OVGP1: variants seen among roughly 807,000 people sequenced by gnomAD.
OVGP1 encodes oviductal glycoprotein 1, also known as oviduct-specific glycoprotein.
Under a neutral mutation model 48.2 loss-of-function variants are expected in OVGP1, and 26 were observed. That is an observed-to-expected ratio of 0.54 (90% CI 0.40 to 0.75). The LOEUF is 0.75. Ranked by LOEUF, OVGP1 falls within the 30% of genes least tolerant of loss-of-function variation. OVGP1 has a pLI of 0.00. For missense variants in OVGP1, 791 were observed against 820.6 expected, an observed-to-expected ratio of 0.96 and a Z score of 0.44; for synonymous variants, 294 against 305.7, an observed-to-expected ratio of 0.96 and a Z score of 0.40.
At position 111,427,704 on chromosome 1, in the gene OVGP1, C is replaced by G; in HGVS notation, c.18G>C (p.Leu6=). Residue 6 remains leucine, a synonymous_variant, in exon 1 of 11, where the codon CTG becomes CTC. Coordinates refer to ENST00000369732, the MANE Select transcript of OVGP1 (RefSeq NM_002557.4). The part of the protein sequence containing the change: MWKLL[L]WVGLVLVLKH... ...GGGACCTGCCACACTCACCAACCCA[C>G]AGCAACAGCTTCCACATCTCAATGG... 1 of 1,613,202 alleles carries G rather than the reference C, an allele frequency of 6.2e-7. No individual in the cohort carries two copies. Among genetic ancestry groups the G allele is most frequent in the Non-Finnish European group, 8.5e-7 (1 of 1,179,892 alleles).
intron 3 of OVGP1, 96 bp from the exon 4 acceptor site, chr1:111,425,535 G>A: frequency 6.3e-7 from 1 of 1,574,922 alleles, no homozygotes; most frequent in Non-Finnish European, 8.6e-7. Context: ...AAGAAAACAG[G>A]AAACAGGAGA....
Position 111,414,640 on chromosome 1 carries a change from T to C in OVGP1, c.1861A>G (p.Met621Val). Residue 621 changes from methionine (M) to valine (V), a missense_variant, in exon 11 of 11, where the codon ATG becomes GTG. Met to Val is a conservative substitution (Grantham distance 21). Coordinates refer to ENST00000369732, the MANE Select transcript of OVGP1 (RefSeq NM_002557.4). Reference sequence around the variant, plus strand: ...TGGATGACGGGGCTGGAGGACAGCATCATCCTGTTTTCAGCTTCCATCTGA... The same window carrying C: ...TGGATGACGGGGCTGGAGGACAGCACCATCCTGTTTTCAGCTTCCATCTGA... ...GLQMEAENRMMLSSSPVIQLP... is the reference protein window; with the variant it reads ...GLQMEAENRMVLSSSPVIQLP... The C allele has an allele frequency of 6.2e-7, 1 of 1,614,198 alleles. No homozygotes were observed. Among genetic ancestry groups the C allele is most frequent in the South Asian group, 1.1e-5 (1 of 91,088 alleles).
At position 111,421,387 on chromosome 1, in the gene OVGP1, T is replaced by A; in HGVS notation, c.792A>T (p.Gly264=). 6.2e-7 allele frequency: 1 copy of A among 1,614,084 alleles called. No homozygotes were observed. Among genetic ancestry groups the A allele is most frequent in the Non-Finnish European group, 8.5e-7 (1 of 1,179,996 alleles). ...AGGCTTTGAGGAGGCGAAAGGTACG[T>A]CCATAGGTGGGGATCCCCATGATGA... ...EKLIMGIPTY[G]RTFRLLKASK... The change falls in exon 8 of 11, where the codon GGA becomes GGT. Residue 264 remains glycine, a synonymous_variant. Coordinates refer to ENST00000369732, the MANE Select transcript of OVGP1 (RefSeq NM_002557.4).
chr1:111,420,249 A>G (rs1652233108), intron 8 of OVGP1, among the ~76,000 whole-genome samples: 1 of 152,186 alleles, frequency 6.6e-6, no homozygotes. Flanking sequence ...CATTGTGCTA[A>G]AAACTATATG....
chr1:111,422,358 T>C (rs1440054670), intron 6 of OVGP1, among the ~76,000 whole-genome samples: 1 of 152,214 alleles, frequency 6.6e-6, no homozygotes, highest in African/African-American at 2.4e-5. Context: ...TGTTTTGGTC[T>C]GCATCTGCCT....
At chr1:111,421,795 G>T (rs1571355162) in intron 6 of OVGP1, 122 bp from the exon 7 acceptor site, 1 of 644,150 alleles carries the variant, frequency 1.6e-6, no homozygotes, top group East Asian at 2.7e-5. Context: ...TGCTCCTTCT[G>T]CCTGTGGGGC....
At position 111,414,409 on chromosome 1, in the gene OVGP1, A is replaced by G; in HGVS notation, c.*55T>C. 2 of 1,490,652 alleles carry G rather than the reference A, an allele frequency of 1.3e-6. No homozygotes were observed. Among genetic ancestry groups the G allele is most frequent in the Non-Finnish European group, 1.8e-6 (2 of 1,104,074 alleles). 92.3% of individuals were successfully genotyped at this position (1,490,652 alleles called of 1,614,324 possible). A position where few individuals can be genotyped will look rare whatever the true frequency, so the allele number is the denominator to read the frequency against. Reference sequence around the variant, plus strand: ...GCCCCGGGATGAGAAGGCTTCCAACATGTCACTTAGAAGAAAAGACAAGGG... The same window carrying G: ...GCCCCGGGATGAGAAGGCTTCCAACGTGTCACTTAGAAGAAAAGACAAGGG... On this transcript the variant is annotated 3_prime_UTR_variant, in exon 11 of 11. Transcript: ENST00000369732.
At chr1:111,415,599 A>G (rs1305489196) in intron 10 of OVGP1, among the ~76,000 whole-genome samples, 1 of 152,180 alleles carries the variant, frequency 6.6e-6, no homozygotes, top group Non-Finnish European at 1.5e-5. Context: ...TCCATGAATG[A>G]CCTCAGAAAG....
chr1:111,415,216 C>T lies in OVGP1; in HGVS notation c.1285G>A (p.Glu429Lys). 1 of 1,614,220 alleles carries T rather than the reference C, an allele frequency of 6.2e-7. No homozygotes were observed. The highest frequency in any genetic ancestry group is 8.5e-7 in the Non-Finnish European group (1 of 1,180,034). ...CCGTGGATCTCAGTGACCCCAGCCT[C>T]TCCTCCTGGGGGCAAAATCTTACTA... ...TDSKILPPGG[E>K]AGVTEIHGKC... Residue 429 changes from glutamate (E) to lysine (K), a missense_variant, in exon 11 of 11, where the codon GAG (glutamate) becomes AAG (lysine). Transcript: ENST00000369732.
Position 111,426,719 on chromosome 1 carries a change from C to T in OVGP1, c.56-78G>A, listed in dbSNP as rs140141416. 680 of 1,560,748 alleles carry T rather than the reference C, an allele frequency of 4.4e-4. 2 individuals are homozygous for T. In the East Asian group the frequency reaches 0.013, roughly 30 times the overall value. ...CTCAGCTTCCAGAAAGCAATGTGAA[C>T]GCAGCCCAAGAGACCAGGCCACATT... On this transcript the variant is annotated intron_variant, in intron 2 of 10. Coordinates refer to ENST00000369732, the MANE Select transcript of OVGP1 (RefSeq NM_002557.4).
At chr1:111,421,836 G>A (rs780945832) in intron 6 of OVGP1, among the ~76,000 whole-genome samples, 163 bp from the exon 7 acceptor site, 1 of 152,198 alleles carries the variant, frequency 6.6e-6, no homozygotes, top group African/African-American at 2.4e-5. Flanking sequence ...ACCTGCCACT[G>A]GAACAAACAG....
chr1:111,419,301 T>G (rs1439711649), intron 9 of OVGP1, among the ~76,000 whole-genome samples: 2 of 152,202 alleles, frequency 1.3e-5, no homozygotes, highest in African/African-American at 4.8e-5. Flanking sequence ...TTGGTATTTA[T>G]CTGTTATGAA....
chr1:111,426,966 G>A (rs1652415506), intron 2 of OVGP1, 96 bp downstream of exon 2: 4 of 1,602,780 alleles, frequency 2.5e-6, no homozygotes, highest in African/African-American at 2.7e-5. Context: ...TGTCAGAGAA[G>A]CCAGGGCAAG....
chr1:111,427,471 G>A (rs1192756364), intron 1 of OVGP1: 1 of 748,494 alleles, frequency 1.3e-6, no homozygotes. Flanking sequence ...GTGGAACTCA[G>A]GCATTTAAAA....
At chr1:111,417,122 T>C (rs1652155965) in intron 9 of OVGP1, among the ~76,000 whole-genome samples, 1 of 152,246 alleles carries the variant, frequency 6.6e-6, no homozygotes, top group South Asian at 2.1e-4. Context: ...TTTGGATCAA[T>C]ACCTGGCACA....
chr1:111,420,425 A>G (rs995758376), intron 8 of OVGP1, among the ~76,000 whole-genome samples: 1 of 152,204 alleles, frequency 6.6e-6, no homozygotes, highest in African/African-American at 2.4e-5. Flanking sequence ...TTGGGTTAGA[A>G]AAACACCCTC....
At chr1:111,416,556 G>C in intron 9 of OVGP1, 98 bp from the exon 10 acceptor site, 1 of 1,123,728 alleles carries the variant, frequency 8.9e-7, no homozygotes, top group African/African-American at 1.6e-5. Flanking sequence ...AAGCAATGTA[G>C]CTGGGTGGTT....
chr1:111,427,472 G>T, intron 1 of OVGP1: 2 of 743,196 alleles, frequency 2.7e-6, no homozygotes, highest in Non-Finnish European at 3.3e-6. Context: ...TGGAACTCAG[G>T]CATTTAAAAT....
At chr1:111,423,471 TCTC>T (rs1011204699) in intron 5 of OVGP1, 69 bp downstream of exon 5, 4 of 1,507,330 alleles carry the variant, frequency 2.7e-6, no homozygotes, top group Admixed American at 1.9e-5. Flanking sequence ...CTTATGCTCT[TCTC>T]CTGCCATAAG....
Sources: gnomAD v4.1 joint callset for allele counts (sites outside exome capture counted in the v4.1 genomes callset) on GRCh38, gnomAD v4.1.1 for gene constraint, MANE v1.5 for transcripts, NCBI Gene and HGNC (gene_info 2026-07-23, HGNC 2026-07-21) for gene names.